CTDSPL: variants seen among roughly 807,000 people sequenced by gnomAD.
CTDSPL encodes CTD small phosphatase like, also known as CTD small phosphatase-like protein.
Under a neutral mutation model 30.5 loss-of-function variants are expected in CTDSPL, and 8 were observed. The ratio of observed to expected loss-of-function variants is 0.26; its 90% CI spans 0.15 to 0.47. The LOEUF is 0.47. CTDSPL is among the 20% of genes least tolerant of loss of function. The probability of loss-of-function intolerance (pLI) is 0.99; values close to 1 mark genes in which losing one functional copy is unlikely to be tolerated. For synonymous variants in CTDSPL, 110 were observed against 137.9 expected, an observed-to-expected ratio of 0.80 and a Z score of 1.42; for missense variants, 248 against 366.1, an observed-to-expected ratio of 0.68 and a Z score of 2.63.
At chr3:37,969,574 T>C (rs1380523573) in intron 5 of CTDSPL, 1 of 361,534 alleles carries the variant, frequency 2.8e-6, no homozygotes, top group Non-Finnish European at 5.6e-6. Flanking sequence ...CCTTTGCATG[T>C]AGCAAAGCTT....
intron 1 of CTDSPL, among the ~76,000 whole-genome samples, chr3:37,922,826 CTAAG>C (rs138057233): frequency 0.02 from 3,009 of 152,312 alleles, 33 homozygotes; most frequent in Middle Eastern, 0.041. Flanking sequence ...GTCTGAAGCA[CTAAG>C]TGTGTTTCTG....
At chr3:37,924,134 G>A (rs187782393) in intron 1 of CTDSPL, among the ~76,000 whole-genome samples, 5 of 152,320 alleles carry the variant, frequency 3.3e-5, no homozygotes, top group East Asian at 3.9e-4. Flanking sequence ...GAGTTTCTTC[G>A]TCCTAAAACT....
intron 4 of CTDSPL, among the ~76,000 whole-genome samples, chr3:37,967,410 G>T (rs1575321810): frequency 6.6e-6 from 1 of 152,344 alleles, no homozygotes; most frequent in South Asian, 2.1e-4. Flanking sequence ...GCCAGTTGTG[G>T]GTCCAAGTAC....
At chr3:37,916,692 C>G (rs1698653646) in intron 1 of CTDSPL, among the ~76,000 whole-genome samples, 1 of 152,164 alleles carries the variant, frequency 6.6e-6, no homozygotes, top group Non-Finnish European at 1.5e-5. Context: ...TTCCAGCCTT[C>G]AGAATTGAGA....
At chr3:37,956,975 T>C (rs113321893) in intron 2 of CTDSPL, 136 bp from the exon 3 acceptor site, 1 of 762,976 alleles carries the variant, frequency 1.3e-6, no homozygotes, top group African/African-American at 1.8e-5. Context: ...AGGTTCCTCC[T>C]GTTGATTAAA....
intron 1 of CTDSPL, among the ~76,000 whole-genome samples, chr3:37,894,766 G>A (rs1484147025): frequency 6.6e-6 from 1 of 151,718 alleles, no homozygotes. Flanking sequence ...TTTCCTTTCT[G>A]TTCTTCAGAT....
chr3:37,976,016 GC>G, intron 7 of CTDSPL, 122 bp downstream of exon 7: 1 of 1,060,844 alleles, frequency 9.4e-7, no homozygotes, highest in Non-Finnish European at 1.3e-6. Context: ...TGAAATCCCA[GC>G]TCTGCCATTT....
At chr3:37,864,141 G>A (rs576466029) in intron 1 of CTDSPL, among the ~76,000 whole-genome samples, 3 of 152,270 alleles carry the variant, frequency 2.0e-5, no homozygotes, top group Admixed American at 2.0e-4. Flanking sequence ...AGTGCTTTGT[G>A]TGATGCTTTG....
intron 1 of CTDSPL, among the ~76,000 whole-genome samples, chr3:37,916,886 T>C (rs1002155606): frequency 6.6e-6 from 1 of 152,166 alleles, no homozygotes; most frequent in Non-Finnish European, 1.5e-5. Context: ...TCAGAGAAAC[T>C]GAGGCCTAGA....
At chr3:37,888,511 G>A (rs980513918) in intron 1 of CTDSPL, among the ~76,000 whole-genome samples, 3 of 152,174 alleles carry the variant, frequency 2.0e-5, no homozygotes, top group Non-Finnish European at 2.9e-5. Flanking sequence ...GCAGGTTGCA[G>A]TAGCTTACTT....
chr3:37,967,744 T>C (rs1699314897), intron 4 of CTDSPL, 82 bp from the exon 5 acceptor site: 2 of 972,956 alleles, frequency 2.1e-6, no homozygotes, highest in Non-Finnish European at 3.1e-6. Context: ...AACATTGGTC[T>C]AGGCAGGCTT....
chr3:37,958,352 G>GCACAAC (rs1194194456), intron 3 of CTDSPL, among the ~76,000 whole-genome samples: 1 of 152,196 alleles, frequency 6.6e-6, no homozygotes, highest in Non-Finnish European at 1.5e-5. Flanking sequence ...TGACCTGGCA[G>GCACAAC]CACAACTTTT....
intron 7 of CTDSPL, 78 bp from the exon 8 acceptor site, chr3:37,980,664 C>G: frequency 6.5e-7 from 1 of 1,547,404 alleles, no homozygotes; most frequent in South Asian, 1.2e-5. Flanking sequence ...TGCTCAAAGT[C>G]CGGGTACCCG....
intron 1 of CTDSPL, among the ~76,000 whole-genome samples, chr3:37,908,223 C>T (rs1264867390): frequency 6.6e-6 from 1 of 152,250 alleles, no homozygotes; most frequent in Non-Finnish European, 1.5e-5. Context: ...TGGTAGCCCC[C>T]GCCAAGTGGG....
chr3:37,957,131 TC>T lies in CTDSPL; in HGVS notation c.258del (p.Ile87TyrfsTer13). 6.3e-7 allele frequency: 1 copy of T among 1,599,312 alleles called. No individual in the cohort carries two copies. Among genetic ancestry groups the T allele is most frequent in the Non-Finnish European group, 8.5e-7 (1 of 1,170,834 alleles). ...CTCAGGGTGACCAGAGGCAGGTCATTCCCATACCAAGTGTATGTATATTTAT... is the reference window on the plus strand; with the variant it reads ...CTCAGGGTGACCAGAGGCAGGTCATTCCATACCAAGTGTATGTATATTTAT... ...LQKGDQRQVI[P>X]IPSPPAKYLL... On this transcript the variant is annotated frameshift_variant, in exon 3 of 8. Coordinates refer to ENST00000273179, the MANE Select transcript of CTDSPL (RefSeq NM_001008392.2). LOFTEE classifies it high-confidence loss of function.
chr3:37,955,824 G>A (rs1192336648), intron 2 of CTDSPL, among the ~76,000 whole-genome samples: 2 of 148,854 alleles, frequency 1.3e-5, no homozygotes, highest in Non-Finnish European at 2.9e-5. Flanking sequence ...ACCTGCACAT[G>A]TACCCCTGAA....
intron 1 of CTDSPL, among the ~76,000 whole-genome samples, chr3:37,911,115 A>C (rs1480094241): frequency 2.0e-5 from 3 of 152,248 alleles, no homozygotes; most frequent in Non-Finnish European, 4.4e-5. Flanking sequence ...CGGTCATTTA[A>C]GTCACTTAAT....
intron 1 of CTDSPL, among the ~76,000 whole-genome samples, chr3:37,883,668 T>C (rs535393567): frequency 7.2e-5 from 11 of 152,328 alleles, no homozygotes; most frequent in South Asian, 2.1e-4. Context: ...TGGTGTTACT[T>C]CTTCTTTAAA....
At chr3:37,925,408 G>A (rs1005936901) in intron 1 of CTDSPL, among the ~76,000 whole-genome samples, 1 of 152,192 alleles carries the variant, frequency 6.6e-6, no homozygotes, top group East Asian at 1.9e-4. Context: ...GACTCATTGA[G>A]CTTTCTGTAG....
Sources: allele counts gnomAD v4.1 joint callset (sites outside exome capture counted in the v4.1 genomes callset), GRCh38; gene constraint gnomAD v4.1.1; transcripts MANE v1.5; gene names NCBI Gene and HGNC (gene_info 2026-07-23, HGNC 2026-07-21).